SLC14A2: variants seen among roughly 807,000 people sequenced by gnomAD.
The protein encoded by SLC14A2 is solute carrier family 14 member 2, also known as urea transporter 2.
SLC14A2 carries 91 observed loss-of-function variants against 104.6 expected under a neutral mutation model. The ratio of observed to expected loss-of-function variants is 0.87; its 90% CI spans 0.73 to 1.04. SLC14A2 has a LOEUF of 1.04. SLC14A2 is among the 50% of genes least tolerant of loss of function. SLC14A2 has a pLI of 0.00. For synonymous variants in SLC14A2, 476 were observed against 466.4 expected, an observed-to-expected ratio of 1.02 and a Z score of -0.27; for missense variants, 1,189 against 1,156.0, an observed-to-expected ratio of 1.03 and a Z score of -0.41.
At chr18:45,452,592 G>A (rs1033557031) in intron 1 of SLC14A2, among the ~76,000 whole-genome samples, 17 of 152,138 alleles carry the variant, frequency 1.1e-4, no homozygotes, top group Non-Finnish European at 1.5e-4. Flanking sequence ...TTAATTTTAT[G>A]TGTTTATTAT....
intron 2 of SLC14A2, among the ~76,000 whole-genome samples, chr18:45,568,846 T>C (rs7229148): frequency 0.41 from 63,007 of 152,072 alleles, 13,601 homozygotes; most frequent in East Asian, 0.63. Context: ...CAGAAATGTG[T>C]GGCATATCAA....
At chr18:45,344,859 A>C (rs2085432213) in intron 1 of SLC14A2, among the ~76,000 whole-genome samples, 1 of 152,128 alleles carries the variant, frequency 6.6e-6, no homozygotes, top group African/African-American at 2.4e-5. Context: ...TGCTCTCACT[A>C]TTGATTGTTG....
intron 10 of SLC14A2, among the ~76,000 whole-genome samples, chr18:45,660,513 A>G (rs900178607): frequency 2.6e-5 from 4 of 152,230 alleles, no homozygotes; most frequent in African/African-American, 9.6e-5. Context: ...CCATAACAAT[A>G]TCAGAAAGAA....
At chr18:45,286,374 C>T (rs1307469963) in intron 1 of SLC14A2, among the ~76,000 whole-genome samples, 4 of 152,170 alleles carry the variant, frequency 2.6e-5, no homozygotes, top group Admixed American at 1.3e-4. Flanking sequence ...TTTTACGTCC[C>T]AGGTCTGCAC....
intron 2 of SLC14A2, among the ~76,000 whole-genome samples, chr18:45,568,110 A>AC (rs2144328224): frequency 6.6e-6 from 1 of 152,202 alleles, no homozygotes; most frequent in East Asian, 1.9e-4. Flanking sequence ...GGGGCACCAG[A>AC]CCCCTCAAAA....
chr18:45,579,637 A>G lies in SLC14A2; in HGVS notation c.-34-44994A>G, dbSNP rs560928154. ...TTCATGTCAGCAGCATGAAATCAAG[A>G]GTTCACTCATTCGTTCACTAGGCAT... On this transcript the variant is annotated intron_variant, in intron 2 of 20. Transcript: ENST00000586448. Among the ~76,000 whole-genome samples the G allele has an allele frequency of 9.9e-4, 151 of 152,370 alleles. 1 individual carries two copies. Among genetic ancestry groups the G allele is most frequent in the Non-Finnish European group, 1.9e-3 (128 of 68,036 alleles).
At chr18:45,335,242 C>T (rs541505126) in intron 1 of SLC14A2, among the ~76,000 whole-genome samples, 1 of 152,140 alleles carries the variant, frequency 6.6e-6, no homozygotes, top group Non-Finnish European at 1.5e-5. Flanking sequence ...ATGACTTTGC[C>T]CTTGCTAGAG....
At chr18:45,332,512 A>G (rs1457554630) in intron 1 of SLC14A2, among the ~76,000 whole-genome samples, 1 of 152,202 alleles carries the variant, frequency 6.6e-6, no homozygotes, top group African/African-American at 2.4e-5. Context: ...CACAAATACT[A>G]AGGAATGACT....
intron 1 of SLC14A2, among the ~76,000 whole-genome samples, chr18:45,451,371 T>C (rs1441599768): frequency 6.6e-6 from 1 of 152,000 alleles, no homozygotes; most frequent in Non-Finnish European, 1.5e-5. Flanking sequence ...CAGAAAGCAA[T>C]TCAACAATTA....
At chr18:45,171,439 A>G in the SLC14A2 span, among the ~76,000 whole-genome samples, 2 of 152,200 alleles carry the variant, frequency 1.3e-5, no homozygotes, top group Admixed American at 1.3e-4. Context: ...TTAAGAGCTT[A>G]TCTTGAAGAG....
the SLC14A2 span, among the ~76,000 whole-genome samples, chr18:45,180,129 A>G: frequency 6.6e-6 from 1 of 152,180 alleles, no homozygotes; most frequent in Non-Finnish European, 1.5e-5. Context: ...AGCCTTTTCC[A>G]CAGTGTGAGA....
chr18:45,254,156 C>G lies in SLC14A2; in HGVS notation c.-125+40965C>G, dbSNP rs182521107. Among the ~76,000 whole-genome samples, 89 of 152,342 alleles carry G rather than the reference C, an allele frequency of 5.8e-4. 1 individual carries two copies. Among genetic ancestry groups the G allele is most frequent in the African/African-American group, 1.9e-3 (77 of 41,568 alleles). ...CCATCCTGGGACTGTCAACCAGCTCCTCTCATTCAGTCGACACTCTTGCCA... is the reference window on the plus strand; with the variant it reads ...CCATCCTGGGACTGTCAACCAGCTCGTCTCATTCAGTCGACACTCTTGCCA... On this transcript the variant is annotated intron_variant, in intron 1 of 20. Transcript: ENST00000586448.
chr18:45,615,525 C>T lies in SLC14A2; in HGVS notation c.-92C>T, dbSNP rs572638916. ...ATTTGAGAAGGTCCAAGTTTGCTTC[C>T]CCTTCGCCTTCCACCATGACTGTAA... On this transcript the variant is annotated 5_prime_UTR_variant, in exon 1 of 20. Transcript: ENST00000255226. 6.6e-6 allele frequency: 1 copy of T among 152,328 alleles called. No homozygotes were observed. Among genetic ancestry groups the T allele is most frequent in the African/African-American group, 2.4e-5 (1 of 41,544 alleles). The allele number at this position is 152,328 out of a possible 1,614,324, so 9.4% of individuals were successfully genotyped here. A position where few individuals can be genotyped will look rare whatever the true frequency, so the allele number is the denominator to read the frequency against.
chr18:45,210,817 C>A (rs2083955119), upstream of SLC14A2, among the ~76,000 whole-genome samples: 1 of 152,160 alleles, frequency 6.6e-6, no homozygotes, highest in African/African-American at 2.4e-5. Flanking sequence ...TTGTATTGAG[C>A]ATAACGTGAT....
upstream of SLC14A2, among the ~76,000 whole-genome samples, chr18:45,612,748 C>T (rs1457761490): frequency 2.0e-5 from 3 of 152,168 alleles, no homozygotes; most frequent in Non-Finnish European, 2.9e-5. Flanking sequence ...TCCTCATATT[C>T]CCCATGTGTC....
At chr18:45,340,737 T>G (rs915746978) in intron 1 of SLC14A2, among the ~76,000 whole-genome samples, 10 of 152,156 alleles carry the variant, frequency 6.6e-5, no homozygotes, top group African/African-American at 2.4e-4. Flanking sequence ...AACACTGTGT[T>G]TGTCAGAAAG....
At chr18:45,667,446 A>C (rs2046044962) in intron 13 of SLC14A2, among the ~76,000 whole-genome samples, 1 of 152,214 alleles carries the variant, frequency 6.6e-6, no homozygotes, top group South Asian at 2.1e-4. Flanking sequence ...TCATGGGAGA[A>C]CTGTGTCTAC....
At position 45,639,857 on chromosome 18, in the gene SLC14A2, C is replaced by A. The variant is rs570265192; in HGVS notation, c.955C>A (p.His319Asn). 3 of 1,613,812 alleles carry A rather than the reference C, an allele frequency of 1.9e-6. No homozygotes were observed. Among genetic ancestry groups the A allele is most frequent in the Non-Finnish European group, 2.5e-6 (3 of 1,180,002 alleles). Residue 319 changes from histidine (H) to asparagine (N), a missense_variant, in exon 7 of 20, where the codon CAT (histidine) becomes AAT (asparagine). His to Asn is a moderately conservative substitution (Grantham distance 68). Transcript: ENST00000255226. Reference protein sequence around the residue: ...LFISSPLICLHAAIGSIVGLL... With the variant: ...LFISSPLICLNAAIGSIVGLL... Reference sequence around the variant, plus strand: ...CATCTCCTCGCCACTCATCTGCTTGCATGCAGCCATTGGCTCAATCGTGGG... The same window carrying A: ...CATCTCCTCGCCACTCATCTGCTTGAATGCAGCCATTGGCTCAATCGTGGG...
intron 1 of SLC14A2, among the ~76,000 whole-genome samples, chr18:45,296,287 G>A (rs1447790250): frequency 1.3e-5 from 2 of 152,194 alleles, no homozygotes; most frequent in Non-Finnish European, 2.9e-5. Context: ...TCCTGGCATG[G>A]GGTGGGATAG....
Sources: allele counts gnomAD v4.1 joint callset (sites outside exome capture counted in the v4.1 genomes callset), GRCh38; gene constraint gnomAD v4.1.1; transcripts MANE v1.5; gene names NCBI Gene and HGNC (gene_info 2026-07-23, HGNC 2026-07-21).